YARS1: variants seen among roughly 807,000 people sequenced by gnomAD.
YARS1 encodes the protein tyrosyl-tRNA synthetase 1.
YARS1 carries 36 observed loss-of-function variants against 62.2 expected under a neutral mutation model. The observed-to-expected ratio is 0.58, with a 90% CI of 0.44 to 0.76. The LOEUF is 0.76. Among genes scored for constraint, YARS1 ranks in the 30% least tolerant of loss-of-function variants. The pLI is 0.00. For synonymous variants in YARS1, 234 were observed against 244.9 expected (o/e 0.96, Z 0.42); for missense variants, 524 against 639.8 (o/e 0.82, Z 1.95).
At chr1:32,783,723 ATAC>A (rs1220093391) in intron 8 of YARS1, 1 of 152,198 alleles carries the variant, frequency 6.6e-6, no homozygotes, top group Non-Finnish European at 1.5e-5. Flanking sequence ...TTTGTTTCTG[ATAC>A]TACTTCTTCA....
At position 32,782,318 on chromosome 1, in the gene YARS1, C is replaced by A. The variant is rs1653085807; in HGVS notation, c.1042+86G>T. On this transcript the variant is annotated intron_variant, in intron 9 of 12. Coordinates refer to ENST00000373477, the MANE Select transcript of YARS1 (RefSeq NM_003680.4). The stretch of plus-strand genomic sequence containing the variant: ...ACTTCAGACCCCCTGGGTTGTTGTG[C>A]CCTCAATTTAAGACAGGCATTTTTC... 1.9e-6 allele frequency: 3 copies of A among 1,608,690 alleles called. No individual in the cohort carries two copies. The South Asian group carries it at 3.3e-5, about 18-fold the overall frequency.
intron 3 of YARS1, among the ~76,000 whole-genome samples, chr1:32,810,334 G>A (rs905702163): frequency 2.6e-5 from 4 of 152,282 alleles, no homozygotes; most frequent in Non-Finnish European, 4.4e-5. Flanking sequence ...TGTGAGTTCT[G>A]CAAGGCCAAG....
intron 8 of YARS1, among the ~76,000 whole-genome samples, chr1:32,786,054 C>G (rs1453122466): frequency 6.6e-6 from 1 of 152,060 alleles, no homozygotes; most frequent in Non-Finnish European, 1.5e-5. Context: ...CAGACATTTA[C>G]TGATAAGAAA....
chr1:32,789,461 G>A (rs1235431070), intron 6 of YARS1, among the ~76,000 whole-genome samples: 1 of 152,192 alleles, frequency 6.6e-6, no homozygotes, highest in South Asian at 2.1e-4. Context: ...TTTGGAAAGA[G>A]TGAGTTCATG....
rs1355405852 is a variant in YARS1 at position 32,817,284 on chromosome 1, A to T, written c.-40T>A. The T allele has an allele frequency of 1.3e-5, 21 of 1,612,470 alleles. No individual in the cohort carries two copies. Among genetic ancestry groups the T allele is most frequent in the Non-Finnish European group, 1.8e-5 (21 of 1,179,358 alleles). On this transcript the variant is annotated 5_prime_UTR_variant, in exon 1 of 13. Transcript: ENST00000373477. ...TGCTTCCCCCGCTCAGCCCGGCACC[A>T]GAGCCCCTTCCTGGGTCACCGTCGC...
chr1:32,814,844 G>A (rs1638665059), intron 1 of YARS1, among the ~76,000 whole-genome samples: 1 of 152,206 alleles, frequency 6.6e-6, no homozygotes, highest in Non-Finnish European at 1.5e-5. Flanking sequence ...ACCCCGATAA[G>A]AGGTTGTAGT....
At chr1:32,796,364 CTTTT>C (rs1031391068) in intron 5 of YARS1, among the ~76,000 whole-genome samples, 15 of 146,006 alleles carry the variant, frequency 1.0e-4, no homozygotes, top group East Asian at 2.0e-4. Flanking sequence ...TTATTTTTTT[CTTTT>C]TTGTTTTTTT....
intron 12 of YARS1, among the ~76,000 whole-genome samples, chr1:32,778,047 A>G (rs1028220879): frequency 1.3e-4 from 20 of 152,190 alleles, no homozygotes; most frequent in Non-Finnish European, 2.4e-4. Context: ...GGCAAAGCAA[A>G]TGGCCTCATG....
intron 3 of YARS1, among the ~76,000 whole-genome samples, chr1:32,808,957 T>G (rs1205766035): frequency 6.6e-6 from 1 of 152,230 alleles, no homozygotes; most frequent in Non-Finnish European, 1.5e-5. Flanking sequence ...TCTAGAACAG[T>G]GCTTATCATA....
intron 1 of YARS1, among the ~76,000 whole-genome samples, chr1:32,816,106 C>T (rs1309614597): frequency 8.8e-6 from 1 of 113,264 alleles, no homozygotes; most frequent in Non-Finnish European, 1.7e-5. Flanking sequence ...GAGACTCCGC[C>T]TCAAAAAAAA....
intron 4 of YARS1, among the ~76,000 whole-genome samples, chr1:32,799,737 A>G (rs996239708): frequency 6.6e-6 from 1 of 152,220 alleles, no homozygotes; most frequent in Non-Finnish European, 1.5e-5. Flanking sequence ...TTTCCATTTT[A>G]TTTAATAGCC....
intron 4 of YARS1, among the ~76,000 whole-genome samples, chr1:32,805,918 C>T (rs572751035): frequency 4.3e-4 from 65 of 152,224 alleles, no homozygotes; most frequent in Non-Finnish European, 6.8e-4. Context: ...GCCGAGATTT[C>T]GCCACTGCAC....
intron 1 of YARS1, chr1:32,816,878 C>T: frequency 1.8e-6 from 1 of 548,410 alleles, no homozygotes; most frequent in Non-Finnish European, 3.3e-6. Flanking sequence ...AGGCCCTTGA[C>T]GTATCCCCAG....
chr1:32,786,464 C>T lies in YARS1; in HGVS notation c.821-17G>A, dbSNP rs746531710. On this transcript the variant is annotated splice_polypyrimidine_tract_variant and intron_variant, in intron 7 of 12. Transcript: ENST00000373477. ...TCACAAACTCTATAAGGAAAAGGAT[C>T]CATGTCAACAAACTCATTGACAGCA... 5 of 1,609,224 alleles carry T rather than the reference C, an allele frequency of 3.1e-6. No homozygotes were observed. The highest frequency in any genetic ancestry group is 1.7e-4 in the Middle Eastern group (1 of 6,060).
At position 32,782,550 on chromosome 1, in the gene YARS1, G is replaced by C; in HGVS notation, c.907-11C>G. The C allele has an allele frequency of 5.0e-6, 8 of 1,614,058 alleles. No homozygotes were observed. The highest frequency in any genetic ancestry group is 6.8e-6 in the Non-Finnish European group (8 of 1,180,028). On this transcript the variant is annotated splice_polypyrimidine_tract_variant and intron_variant, in intron 8 of 12. Coordinates refer to ENST00000373477, the MANE Select transcript of YARS1 (RefSeq NM_003680.4). The stretch of plus-strand genomic sequence containing the variant: ...TCCAGGATGTACAACCTGCAGAATC[G>C]AACAAGACCTAGTGAGATAAAGTCT...
rs939344954 is a variant in YARS1 at position 32,776,219 on chromosome 1, C to T, written c.1477-128G>A. On this transcript the variant is annotated intron_variant, in intron 12 of 12. Transcript: ENST00000373477. This position sits in a 1 kb window ranked among gnomAD's most constrained non-coding sequence, Gnocchi z 4.0. ...CTGGAGTGCAATGGCGTGATCTTGG[C>T]TCACCGCAACCTCTGCCTCCCAGGT... The T allele has an allele frequency of 1.0e-5, 8 of 780,406 alleles. No homozygotes were observed. Among genetic ancestry groups the T allele is most frequent in the African/African-American group, 3.4e-5 (2 of 58,188 alleles). The allele number at this position is 780,406 out of a possible 1,614,324, so 48.3% of individuals were successfully genotyped here. A position where few individuals can be genotyped will look rare whatever the true frequency, so the allele number is the denominator to read the frequency against.
At chr1:32,793,477 C>CA (rs555851915) in intron 5 of YARS1, among the ~76,000 whole-genome samples, 107 of 150,310 alleles carry the variant, frequency 7.1e-4, no homozygotes, top group African/African-American at 1.7e-3. Context: ...ATTCCATCTC[C>CA]AAAAAAAAAT....
intron 8 of YARS1, chr1:32,782,783 G>A: frequency 1.9e-6 from 1 of 536,770 alleles, no homozygotes; most frequent in Non-Finnish European, 3.3e-6. Context: ...GTATTTGTTA[G>A]TCTAATTCTT....
intron 1 of YARS1, 104 bp from the exon 2 acceptor site, chr1:32,811,161 C>T (rs1416059616): frequency 2.6e-6 from 4 of 1,559,288 alleles, no homozygotes; most frequent in South Asian, 1.1e-5. Context: ...GAGATCCAGG[C>T]TCAGAGCCAT....
Sources: gnomAD v4.1 joint callset for allele counts (sites outside exome capture counted in the v4.1 genomes callset) on GRCh38, gnomAD v4.1.1 for gene constraint, Gnocchi (gnomAD v3.1) non-coding constraint, MANE v1.5 for transcripts, NCBI Gene and HGNC (gene_info 2026-07-23, HGNC 2026-07-21) for gene names.